The following XPO6 variants were observed in gnomAD, a reference collection of about 807,000 sequenced individuals.
XPO6 encodes exportin 6.
XPO6 carries 3 observed loss-of-function variants against 130.0 expected under a neutral mutation model. The observed-to-expected ratio is 0.02, with a 90% CI of 0.01 to 0.06. XPO6 has a LOEUF of 0.06. XPO6 is among the 10% of genes least tolerant of loss of function. The probability of loss-of-function intolerance (pLI) is 1.00; values close to 1 mark genes in which losing one functional copy is unlikely to be tolerated. For missense variants in XPO6, 970 were observed against 1,393.0 expected (o/e 0.70, Z 4.83); for synonymous variants, 524 against 548.9 (o/e 0.95, Z 0.63).
At chr16:28,156,589 A>G in intron 6 of XPO6, 62 bp from the exon 7 acceptor site, 8 of 1,225,800 alleles carry the variant, frequency 6.5e-6, no homozygotes, top group Non-Finnish European at 8.9e-6. Flanking sequence ...GACTTTAAGT[A>G]ATTCTCCTTC....
chr16:28,151,665 C>T (rs8057491), intron 8 of XPO6, among the ~76,000 whole-genome samples: 43,756 of 152,004 alleles, frequency 0.29, 6,414 homozygotes, highest in Middle Eastern at 0.33. Context: ...TTGGGGAAAA[C>T]TCATCTAACT....
intron 1 of XPO6, among the ~76,000 whole-genome samples, chr16:28,190,194 A>T (rs1331222270): frequency 6.6e-6 from 1 of 151,900 alleles, no homozygotes; most frequent in Admixed American, 6.6e-5. Context: ...ATCAGCTACC[A>T]ATGGAGAGGT....
intron 14 of XPO6, among the ~76,000 whole-genome samples, chr16:28,119,181 A>ATT (rs1032667845): frequency 4.6e-5 from 6 of 129,052 alleles, no homozygotes; most frequent in South Asian, 4.8e-4. Context: ...ATGTCCGGCT[A>ATT]TTTTTTTTTT....
At chr16:28,176,229 A>G (rs2043531619) in intron 3 of XPO6, 134 bp from the exon 4 acceptor site, 1 of 740,382 alleles carries the variant, frequency 1.4e-6, no homozygotes, top group South Asian at 1.9e-5. Context: ...CAATATGGCA[A>G]TAAGAATAAT....
rs74739730 is a variant in XPO6 at position 28,164,536 on chromosome 16, C to T, written c.643+1972G>A. On this transcript the variant is annotated intron_variant, in intron 6 of 23. Coordinates refer to ENST00000304658, the MANE Select transcript of XPO6 (RefSeq NM_015171.4). ...TTACATAACTCCCTAAGTGCCCCCACAGTCTCAATTTATTTTGTTATTTCT... is the reference window on the plus strand; with the variant it reads ...TTACATAACTCCCTAAGTGCCCCCATAGTCTCAATTTATTTTGTTATTTCT... 4.1e-4 allele frequency among the ~76,000 whole-genome samples: 63 copies of T among 152,286 alleles called. No homozygotes were observed. The East Asian group carries it at 0.012, about 28-fold the overall frequency.
At chr16:28,107,430 C>T in intron 18 of XPO6, 92 bp downstream of exon 18, 5 of 1,451,302 alleles carry the variant, frequency 3.4e-6, no homozygotes, top group Non-Finnish European at 4.8e-6. Context: ...AAGGCCTGTA[C>T]TGCACCGACT....
chr16:28,112,102 C>A, intron 16 of XPO6, 96 bp from the exon 17 acceptor site: 2 of 1,403,250 alleles, frequency 1.4e-6, no homozygotes, highest in Non-Finnish European at 1.9e-6. Flanking sequence ...GGCTGCACAC[C>A]TGGAACCCTA....
intron 9 of XPO6, among the ~76,000 whole-genome samples, chr16:28,137,627 T>C (rs1596854390): frequency 7.1e-6 from 1 of 140,584 alleles, no homozygotes; most frequent in Non-Finnish European, 1.5e-5. Context: ...TTTCAGATTT[T>C]GGTGACCAGA....
Position 28,134,364 on chromosome 16 carries a change from C to T in XPO6, c.1444-431G>A, listed in dbSNP as rs556694341. On this transcript the variant is annotated intron_variant, in intron 10 of 23. Transcript: ENST00000304658. ...CTGTCAGAGATGCAAATTCTATGGT[C>T]CTCACCCCAAGCCTCCAGAATCAGA... Among the ~76,000 whole-genome samples, 88 of 152,338 alleles carry T rather than the reference C, an allele frequency of 5.8e-4. 1 individual carries two copies. Among genetic ancestry groups the T allele is most frequent in the Admixed American group, 9.2e-4 (14 of 15,300 alleles).
intron 13 of XPO6, 83 bp from the exon 14 acceptor site, chr16:28,121,845 G>T: frequency 1.1e-6 from 1 of 889,466 alleles, no homozygotes; most frequent in Non-Finnish European, 1.9e-6. Flanking sequence ...TACCAGCAAA[G>T]AGCGTAAGGG....
At chr16:28,120,195 C>G (rs528003008) in intron 14 of XPO6, among the ~76,000 whole-genome samples, 8 of 152,044 alleles carry the variant, frequency 5.3e-5, no homozygotes, top group Admixed American at 4.6e-4. Flanking sequence ...TAATCATCAT[C>G]ATCATCATCA....
chr16:28,174,952 C>A (rs2043510697), intron 4 of XPO6, among the ~76,000 whole-genome samples: 2 of 150,588 alleles, frequency 1.3e-5, no homozygotes, highest in South Asian at 4.2e-4. Flanking sequence ...TCCCTTCTGA[C>A]TTCCAAATCC....
At chr16:28,112,377 G>A (rs545027508) in intron 16 of XPO6, among the ~76,000 whole-genome samples, 60 of 152,326 alleles carry the variant, frequency 3.9e-4, no homozygotes, top group African/African-American at 1.3e-3. Flanking sequence ...AGGAGAATCC[G>A]TGACAATCCA....
At chr16:28,187,777 CTGTTG>C (rs1567645065) in intron 1 of XPO6, among the ~76,000 whole-genome samples, 6 of 151,140 alleles carry the variant, frequency 4.0e-5, no homozygotes, top group African/African-American at 1.5e-4. Flanking sequence ...AACAAGAAAA[CTGTTG>C]GTATCACTTT....
At chr16:28,121,969 T>C (rs1049778699) in intron 13 of XPO6, among the ~76,000 whole-genome samples, 4 of 151,162 alleles carry the variant, frequency 2.6e-5, no homozygotes, top group Non-Finnish European at 5.9e-5. Context: ...TAAAGCCTTA[T>C]TGAAGGTGTC....
chr16:28,210,988 C>T (rs2044119706), intron 1 of XPO6, among the ~76,000 whole-genome samples: 1 of 152,256 alleles, frequency 6.6e-6, no homozygotes, highest in Admixed American at 6.5e-5. Flanking sequence ...GTGCCTCAGT[C>T]TCCCCACTTC....
At chr16:28,167,917 T>C (rs996587876) in intron 5 of XPO6, among the ~76,000 whole-genome samples, 9 of 148,574 alleles carry the variant, frequency 6.1e-5, no homozygotes, top group South Asian at 2.2e-4. Context: ...ATGCCAGGGA[T>C]TGGGGGAGAG....
At chr16:28,108,176 A>G (rs889592409) in intron 17 of XPO6, among the ~76,000 whole-genome samples, 4 of 152,196 alleles carry the variant, frequency 2.6e-5, no homozygotes, top group African/African-American at 9.7e-5. Flanking sequence ...CCTGCCATGC[A>G]CATGTAATGG....
chr16:28,152,695 C>T lies in XPO6; in HGVS notation c.1188G>A (p.Glu396=), dbSNP rs760929004. 1 of 1,613,118 alleles carries T rather than the reference C, an allele frequency of 6.2e-7. No homozygotes were observed. ...IESYSQFPVV[E]FLTLLFKYTF... The stretch of plus-strand genomic sequence containing the variant: ...TGTACTTGAACAAAAGTGTCAAAAA[C>T]TCCACCACAGGGAACTGGGAGTAAG... Residue 396 remains glutamate (E), a synonymous_variant, in exon 8 of 24, where the codon GAG becomes GAA. Coordinates refer to ENST00000304658, the MANE Select transcript of XPO6 (RefSeq NM_015171.4).
Sources: gnomAD v4.1 joint callset for allele counts (sites outside exome capture counted in the v4.1 genomes callset) on GRCh38, gnomAD v4.1.1 for gene constraint, MANE v1.5 for transcripts, NCBI Gene and HGNC (gene_info 2026-07-23, HGNC 2026-07-21) for gene names.